The following TSPAN12 variants were observed in gnomAD, a reference collection of about 807,000 sequenced individuals.
TSPAN12 encodes the protein tetraspanin-12.
A neutral mutation model predicts 39.2 loss-of-function variants in TSPAN12; 19 were observed. That is an observed-to-expected ratio of 0.49 (90% confidence interval 0.34 to 0.71). The LOEUF is 0.71. Ranked by LOEUF, TSPAN12 falls within the 30% of genes least tolerant of loss-of-function variation. The pLI is 0.01. For synonymous variants in TSPAN12, 119 were observed against 124.8 expected (o/e 0.95, Z 0.31); for missense variants, 314 against 359.9 (o/e 0.87, Z 1.03).
At chr7:120,796,957 C>T (rs1245355917) in intron 7 of TSPAN12, among the ~76,000 whole-genome samples, 1 of 152,152 alleles carries the variant, frequency 6.6e-6, no homozygotes, top group Non-Finnish European at 1.5e-5. Flanking sequence ...AGACAGAGAC[C>T]ATCCTGGCTA....
intron 7 of TSPAN12, among the ~76,000 whole-genome samples, chr7:120,796,782 C>T (rs1308564723): frequency 6.6e-6 from 1 of 152,136 alleles, no homozygotes; most frequent in African/African-American, 2.4e-5. Flanking sequence ...TGATGACACC[C>T]GTGTAAACTT....
intron 7 of TSPAN12, among the ~76,000 whole-genome samples, chr7:120,789,940 C>A (rs1584918219): frequency 6.6e-6 from 1 of 152,042 alleles, no homozygotes; most frequent in Non-Finnish European, 1.5e-5. Context: ...AGAGGACCAT[C>A]TGCACAATAA....
chr7:120,794,755 T>C (rs1793598639), intron 7 of TSPAN12, among the ~76,000 whole-genome samples: 1 of 131,608 alleles, frequency 7.6e-6, no homozygotes, highest in African/African-American at 2.7e-5. Context: ...TTCCAAAGAA[T>C]AGCTCTCTTC....
chr7:120,837,903 C>T (rs565463797), intron 4 of TSPAN12, among the ~76,000 whole-genome samples: 4 of 152,296 alleles, frequency 2.6e-5, no homozygotes, highest in African/African-American at 7.2e-5. Flanking sequence ...ATTTACCCCA[C>T]GGAAATCCCC....
chr7:120,833,549 T>C (rs1000855494), intron 4 of TSPAN12, among the ~76,000 whole-genome samples: 4 of 152,134 alleles, frequency 2.6e-5, no homozygotes, highest in African/African-American at 9.7e-5. Context: ...CAATCAATAG[T>C]TATATTCAAA....
At chr7:120,810,884 A>T (rs1263984750) in intron 5 of TSPAN12, among the ~76,000 whole-genome samples, 1 of 152,212 alleles carries the variant, frequency 6.6e-6, no homozygotes, top group East Asian at 1.9e-4. Context: ...TCCCACAGAC[A>T]TACTGAAGAC....
At chr7:120,808,805 A>G (rs1430715447) in intron 6 of TSPAN12, among the ~76,000 whole-genome samples, 1 of 151,980 alleles carries the variant, frequency 6.6e-6, no homozygotes, top group African/African-American at 2.4e-5. Flanking sequence ...TTATTCTAGA[A>G]TTGGGTCCCC....
intron 4 of TSPAN12, among the ~76,000 whole-genome samples, chr7:120,819,507 T>TCCACTAACAC (rs970683176): frequency 6.6e-6 from 1 of 152,098 alleles, no homozygotes; most frequent in Non-Finnish European, 1.5e-5. Flanking sequence ...TTTTCTTTAT[T>TCCACTAACAC]CCACTAACAC....
intron 7 of TSPAN12, among the ~76,000 whole-genome samples, chr7:120,791,999 C>A (rs1793535970): frequency 6.6e-6 from 1 of 152,156 alleles, no homozygotes; most frequent in Admixed American, 6.5e-5. Context: ...CTGTTAACCT[C>A]AATTTTTCTA....
At chr7:120,792,245 G>A (rs909166366) in intron 7 of TSPAN12, among the ~76,000 whole-genome samples, 3 of 152,168 alleles carry the variant, frequency 2.0e-5, no homozygotes, top group South Asian at 4.1e-4. Flanking sequence ...CGCCTCTCCC[G>A]GAGGATTGCT....
At chr7:120,794,368 C>G (rs1793590446) in intron 7 of TSPAN12, among the ~76,000 whole-genome samples, 1 of 152,152 alleles carries the variant, frequency 6.6e-6, no homozygotes, top group Non-Finnish European at 1.5e-5. Context: ...GAAGTAAGGC[C>G]TGGTGGGAGG....
chr7:120,821,227 T>C (rs974026686), intron 4 of TSPAN12, among the ~76,000 whole-genome samples: 3 of 151,976 alleles, frequency 2.0e-5, no homozygotes, highest in Non-Finnish European at 4.4e-5. Flanking sequence ...TTCCTAAACC[T>C]ACATTCATGA....
At chr7:120,812,571 C>A (rs1794002342) in intron 5 of TSPAN12, among the ~76,000 whole-genome samples, 1 of 152,128 alleles carries the variant, frequency 6.6e-6, no homozygotes, top group Admixed American at 6.5e-5. Context: ...CACAGAAAAT[C>A]TTCGTTTTTT....
chr7:120,815,154 A>G (rs886939043), intron 5 of TSPAN12, among the ~76,000 whole-genome samples: 5 of 152,216 alleles, frequency 3.3e-5, no homozygotes. Flanking sequence ...GAGTATACCA[A>G]ATAAAATTTT....
At chr7:120,799,624 A>G (rs1479510949) in intron 7 of TSPAN12, among the ~76,000 whole-genome samples, 1 of 119,206 alleles carries the variant, frequency 8.4e-6, no homozygotes, top group Non-Finnish European at 1.6e-5. Flanking sequence ...ATAATTAAAT[A>G]TAATTATTAT....
intron 5 of TSPAN12, among the ~76,000 whole-genome samples, chr7:120,814,466 G>A (rs973824801): frequency 1.3e-5 from 2 of 152,140 alleles, no homozygotes; most frequent in African/African-American, 4.8e-5. Context: ...GATGGCCCAA[G>A]AACTACATAT....
At chr7:120,796,146 C>G (rs1793624756) in intron 7 of TSPAN12, among the ~76,000 whole-genome samples, 1 of 152,216 alleles carries the variant, frequency 6.6e-6, no homozygotes. Flanking sequence ...CCAGTTCCAG[C>G]AGCCTGAAGG....
At chr7:120,810,710 T>G in intron 5 of TSPAN12, 140 bp from the exon 6 acceptor site, 1 of 661,154 alleles carries the variant, frequency 1.5e-6, no homozygotes, top group Admixed American at 2.1e-5. Context: ...TTTAAATTTA[T>G]ATTTGCTCAT....
At chr7:120,800,223 C>T (rs1044157646) in intron 7 of TSPAN12, among the ~76,000 whole-genome samples, 3 of 152,060 alleles carry the variant, frequency 2.0e-5, no homozygotes, top group Admixed American at 1.3e-4. Flanking sequence ...ATACAACACT[C>T]AACGGAGAGA....
Sources: gnomAD v4.1 joint callset for allele counts (sites outside exome capture counted in the v4.1 genomes callset) on GRCh38, gnomAD v4.1.1 for gene constraint, MANE v1.5 for transcripts, NCBI Gene and HGNC (gene_info 2026-07-23, HGNC 2026-07-21) for gene names.